The following BDP1 variants were observed in gnomAD, a reference collection of about 807,000 sequenced individuals.
BDP1 encodes the protein BDP1 general transcription factor IIIB subunit, also known as transcription factor TFIIIB component B'' homolog.
A neutral mutation model predicts 266.6 loss-of-function variants in BDP1; 169 were observed. The observed-to-expected ratio is 0.63, with a 90% CI of 0.56 to 0.72. The LOEUF is 0.72. Among genes scored for constraint, BDP1 ranks in the 30% least tolerant of loss-of-function variants. The pLI, the probability that BDP1 is intolerant of heterozygous loss-of-function variation, is 0.00. For synonymous variants in BDP1, 1,090 were observed against 1,022.4 expected (o/e 1.07, Z -1.26); for missense variants, 3,015 against 3,053.8 (o/e 0.99, Z 0.30).
chr5:71,476,654 C>T (rs1458302486), intron 7 of BDP1, among the ~76,000 whole-genome samples: 1 of 152,096 alleles, frequency 6.6e-6, no homozygotes, highest in Non-Finnish European at 1.5e-5. Flanking sequence ...CCTTCTCCTG[C>T]TTCAGCCTCC....
intron 10 of BDP1, among the ~76,000 whole-genome samples, chr5:71,490,394 C>T (rs1049303941): frequency 2.0e-5 from 3 of 152,042 alleles, no homozygotes; most frequent in Non-Finnish European, 2.9e-5. Flanking sequence ...GGAGTCATTA[C>T]GTATAATGCA....
chr5:71,464,680 C>G (rs975609308), intron 4 of BDP1, among the ~76,000 whole-genome samples: 27 of 148,126 alleles, frequency 1.8e-4, no homozygotes, highest in African/African-American at 6.7e-4. Flanking sequence ...GCTGGGAGTA[C>G]AGGTGTGTGC....
intron 7 of BDP1, among the ~76,000 whole-genome samples, chr5:71,474,246 C>A (rs140034901): frequency 6.6e-6 from 1 of 151,986 alleles, no homozygotes; most frequent in Admixed American, 6.6e-5. Context: ...TCCCAAAGTG[C>A]TAAGATTACA....
intron 15 of BDP1, among the ~76,000 whole-genome samples, chr5:71,503,613 A>G (rs928708911): frequency 1.3e-5 from 2 of 152,216 alleles, no homozygotes; most frequent in African/African-American, 4.8e-5. Context: ...GATTATTTAC[A>G]TAGCCTTTGT....
At position 71,562,492 on chromosome 5, in the gene BDP1, C is replaced by T; in HGVS notation, c.7715C>T (p.Ser2572Phe). 1 of 1,613,854 alleles carries T rather than the reference C, an allele frequency of 6.2e-7. No homozygotes were observed. Among genetic ancestry groups the T allele is most frequent in the Non-Finnish European group, 8.5e-7 (1 of 1,179,894 alleles). Residue 2572 changes from serine to phenylalanine, a missense_variant, in exon 38 of 39, where the codon TCT becomes TTT. Around this residue, in one of 3 missense-constraint regions of BDP1, gnomAD observed 629 missense variants for 632.5 expected, o/e 0.99. Transcript: ENST00000358731. The part of the protein sequence containing the change: ...LPSPSVITTQ[S>F]ENISSSATQV... ...TCTCCAAGTGTTATTACTACTCAAT[C>T]TGAGAATATTAGCAGCTCAGCAACT...
intron 26 of BDP1, among the ~76,000 whole-genome samples, chr5:71,532,718 CATT>C (rs1766323074): frequency 6.6e-6 from 1 of 152,148 alleles, no homozygotes; most frequent in African/African-American, 2.4e-5. Context: ...TGCACTCTTC[CATT>C]ATTGGTATTT....
In BDP1 at chr5:71,510,782, T is replaced by G. The variant is rs777698556; in HGVS notation, c.3690T>G (p.Ile1230Met). The change falls in exon 17 of 39, where the codon ATT (isoleucine) becomes ATG (methionine). Residue 1230 changes from isoleucine to methionine, a missense_variant. Around this residue, in one of 3 missense-constraint regions of BDP1, gnomAD observed 2,383 missense variants for 2,404.9 expected, o/e 0.99. Coordinates refer to ENST00000358731, the MANE Select transcript of BDP1 (RefSeq NM_018429.3). ...AAATGGAGACAGATTTGAAAGAAAT[T>G]AGAGAAGAAATTTCCCAAAGGGAAA... ...VGKMETDLKE[I>M]REEISQREKV... is the part of the protein sequence containing the mutation. 6.2e-7 allele frequency: 1 copy of G among 1,613,860 alleles called. No homozygotes were observed. The highest frequency in any genetic ancestry group is 8.5e-7 in the Non-Finnish European group (1 of 1,180,000).
intron 7 of BDP1, among the ~76,000 whole-genome samples, chr5:71,481,213 G>A (rs550202880): frequency 5.9e-5 from 9 of 151,446 alleles, no homozygotes; most frequent in African/African-American, 1.9e-4. Context: ...CATTGTGAAT[G>A]ATGTGTTGTA....
chr5:71,457,411 G>A (rs1488131561), intron 1 of BDP1, among the ~76,000 whole-genome samples: 2 of 151,144 alleles, frequency 1.3e-5, no homozygotes, highest in Non-Finnish European at 2.9e-5. Context: ...CACCTCCCGG[G>A]TTCTTGCAAT....
intron 4 of BDP1, among the ~76,000 whole-genome samples, chr5:71,465,149 G>A (rs567166430): frequency 6.6e-6 from 1 of 152,054 alleles, no homozygotes; most frequent in African/African-American, 2.4e-5. Context: ...AGGATTACAG[G>A]CATGAGCTGC....
At chr5:71,546,857 T>C (rs995266132) in intron 32 of BDP1, among the ~76,000 whole-genome samples, 3 of 148,456 alleles carry the variant, frequency 2.0e-5, no homozygotes, top group Non-Finnish European at 4.5e-5. Context: ...TAGCTTTTTT[T>C]CTTTTTGAGA....
At chr5:71,462,157 T>C (rs1761617985) in intron 3 of BDP1, among the ~76,000 whole-genome samples, 1 of 152,090 alleles carries the variant, frequency 6.6e-6, no homozygotes, top group Non-Finnish European at 1.5e-5. Context: ...GAGACTGGGT[T>C]TCGCCATGTT....
chr5:71,551,897 G>C (rs1364149336), intron 34 of BDP1, among the ~76,000 whole-genome samples: 2 of 148,970 alleles, frequency 1.3e-5, no homozygotes, highest in East Asian at 2.0e-4. Flanking sequence ...CTGGCCAGGC[G>C]GGGGGCTGAC....
At chr5:71,553,048 CCTT>C in intron 34 of BDP1, 65 bp from the exon 35 acceptor site, 2 of 1,275,382 alleles carry the variant, frequency 1.6e-6, no homozygotes, top group Non-Finnish European at 2.2e-6. Flanking sequence ...TTTCTAGGAT[CCTT>C]TAAAAAAAAA....
At chr5:71,466,053 C>T in intron 4 of BDP1, 43 bp from the exon 5 acceptor site, 1 of 1,598,000 alleles carries the variant, frequency 6.3e-7, no homozygotes, top group Non-Finnish European at 8.5e-7. Flanking sequence ...TTTAGGCACA[C>T]TTTTCATGCC....
At chr5:71,559,311 G>T (rs1021581425) in intron 36 of BDP1, among the ~76,000 whole-genome samples, 2 of 152,148 alleles carry the variant, frequency 1.3e-5, no homozygotes, top group Non-Finnish European at 2.9e-5. Context: ...AAAGCATTAA[G>T]CAAACCACAA....
chr5:71,542,518 TTC>T (rs1189674336), intron 30 of BDP1, among the ~76,000 whole-genome samples: 1 of 151,894 alleles, frequency 6.6e-6, no homozygotes, highest in African/African-American at 2.4e-5. Context: ...CTTTCTCTCA[TTC>T]TCTCTCTCTC....
intron 7 of BDP1, among the ~76,000 whole-genome samples, chr5:71,479,581 C>G (rs1762810289): frequency 6.6e-6 from 1 of 151,348 alleles, no homozygotes; most frequent in Non-Finnish European, 1.5e-5. Flanking sequence ...GAGTCTCGCT[C>G]TTTTGCCCAG....
At chr5:71,458,971 T>G in intron 2 of BDP1, 116 bp downstream of exon 2, 1 of 928,004 alleles carries the variant, frequency 1.1e-6, no homozygotes, top group East Asian at 2.6e-5. Flanking sequence ...ATAACATCCC[T>G]TAGTCAATAG....
Sources: allele counts gnomAD v4.1 joint callset (sites outside exome capture counted in the v4.1 genomes callset), GRCh38; gene constraint gnomAD v4.1.1; regional missense constraint gnomAD v4.1.1; transcripts MANE v1.5; gene names NCBI Gene and HGNC (gene_info 2026-07-23, HGNC 2026-07-21).